Variants in PRKDC observed in about 807,000 individuals in gnomAD.
PRKDC encodes the protein DNA-dependent protein kinase catalytic subunit.
Under a neutral mutation model 486.9 loss-of-function variants are expected in PRKDC, and 82 were observed. That is an observed-to-expected ratio of 0.17 (90% CI 0.14 to 0.20). PRKDC has a LOEUF of 0.20. PRKDC is among the 10% of genes least tolerant of loss of function. The probability of loss-of-function intolerance (pLI) is 1.00; values close to 1 mark genes in which losing one functional copy is unlikely to be tolerated. For synonymous variants in PRKDC, 1,895 were observed against 1,837.0 expected (o/e 1.03, Z -0.81); for missense variants, 4,504 against 5,038.2 (o/e 0.89, Z 3.21).
In PRKDC at chr8:47,907,300, A is replaced by G. The variant is rs1007784802; in HGVS notation, c.2935-2324T>C. On this transcript the variant is annotated intron_variant, in intron 25 of 85. Transcript: ENST00000314191. ...TGTGATCCACCCACCTCGGCCTCCC[A>G]AAGTGCTGGGATTACAGGCGTGAGC... Among the ~76,000 whole-genome samples, 3 of 151,226 alleles carry G rather than the reference A, an allele frequency of 2.0e-5. No homozygotes were observed. The South Asian group carries it at 6.2e-4, about 31-fold the overall frequency.
Position 47,857,807 on chromosome 8 carries a change from T to C in PRKDC, c.6466-508A>G, listed in dbSNP as rs573551431. On this transcript the variant is annotated intron_variant, in intron 48 of 85. Coordinates refer to ENST00000314191, the MANE Select transcript of PRKDC (RefSeq NM_006904.7). ...GATGTCCTGACAGACTCGCCATGTC[T>C]GCAGAGCTGCCCAGAATGACCTTCT... 5.3e-5 allele frequency among the ~76,000 whole-genome samples: 8 copies of C among 152,260 alleles called. No homozygotes were observed. The East Asian group carries it at 1.4e-3, about 26-fold the overall frequency.
chr8:47,788,802 A>T, intron 76 of PRKDC, 104 bp downstream of exon 76: 1 of 1,149,252 alleles, frequency 8.7e-7, no homozygotes, highest in African/African-American at 1.6e-5. Context: ...AGAACTGTTA[A>T]ATTAATGATT....
At chr8:47,779,116 T>C (rs777121083) in intron 80 of PRKDC, 23 bp from the exon 81 acceptor site, 167 of 1,516,528 alleles carry the variant, frequency 1.1e-4, no homozygotes, top group Non-Finnish European at 1.3e-4. Flanking sequence ...AAAAGGGGAA[T>C]TGGAATTAGG....
In PRKDC at chr8:47,888,507, G is replaced by A; in HGVS notation, c.4413+11C>T. On this transcript the variant is annotated intron_variant, in intron 34 of 85. Coordinates refer to ENST00000314191, the MANE Select transcript of PRKDC (RefSeq NM_006904.7). ...GCTAAAATAAATGTAAAAACAATAAGTTATAGTTACCTGAGACGGTAATAT... is the reference window on the plus strand; with the variant it reads ...GCTAAAATAAATGTAAAAACAATAAATTATAGTTACCTGAGACGGTAATAT... 6.6e-7 allele frequency: 1 copy of A among 1,514,060 alleles called. No homozygotes were observed. Among genetic ancestry groups the A allele is most frequent in the Non-Finnish European group, 8.9e-7 (1 of 1,127,314 alleles). 93.8% of individuals were successfully genotyped at this position (1,514,060 alleles called of 1,614,324 possible).
At chr8:47,783,924 A>T in intron 77 of PRKDC, 115 bp from the exon 78 acceptor site, 1 of 1,069,376 alleles carries the variant, frequency 9.4e-7, no homozygotes, top group Non-Finnish European at 1.4e-6. Context: ...AAAACCTTTT[A>T]CTGAAAAGTT....
At chr8:47,933,870 AG>A (rs2090300636) in intron 15 of PRKDC, 94 bp downstream of exon 15, 2 of 1,304,324 alleles carry the variant, frequency 1.5e-6, no homozygotes, top group African/African-American at 3.0e-5. Flanking sequence ...TTTGAAAGTT[AG>A]TAAAATATAA....
In PRKDC at chr8:47,859,681, G is replaced by A; in HGVS notation, c.6137C>T (p.Ser2046Leu). 6.2e-7 allele frequency: 1 copy of A among 1,613,962 alleles called. No homozygotes were observed. Among genetic ancestry groups the A allele is most frequent in the Non-Finnish European group, 8.5e-7 (1 of 1,179,854 alleles). The change falls in exon 46 of 86, where the codon TCA (serine) becomes TTA (leucine). Residue 2046 changes from serine (S) to leucine (L), a missense_variant. Physicochemically the swap from Ser to Leu is moderately radical, Grantham distance 145. Transcript: ENST00000314191. ...LSEEMSQFDFSTGVQSYSYSS... is the reference protein window; with the variant it reads ...LSEEMSQFDFLTGVQSYSYSS... The stretch of plus-strand genomic sequence containing the variant: ...GTATGAATAGCTCTGAACTCCGGTT[G>A]AGAAATCAAATTGACTCATTTCCTC...
chr8:47,929,035 A>C, intron 19 of PRKDC, 57 bp downstream of exon 19: 5 of 1,229,458 alleles, frequency 4.1e-6, no homozygotes, highest in Non-Finnish European at 5.8e-6. Context: ...TTTTTTCAAT[A>C]GATATTCATT....
intron 68 of PRKDC, among the ~76,000 whole-genome samples, chr8:47,810,430 A>G (rs529397447): frequency 6.6e-6 from 1 of 152,366 alleles, no homozygotes; most frequent in South Asian, 2.1e-4. Flanking sequence ...GTATAGGTAA[A>G]AACAGTATAC....
chr8:47,832,129 C>T (rs1352595277), intron 59 of PRKDC, among the ~76,000 whole-genome samples: 2 of 152,224 alleles, frequency 1.3e-5, no homozygotes, highest in African/African-American at 4.8e-5. Context: ...ACGGGCCAGG[C>T]CCCTCCAGAG....
At position 47,957,404 on chromosome 8, in the gene PRKDC, C is replaced by T; in HGVS notation, c.182G>A (p.Arg61Lys). Residue 61 changes from arginine (R) to lysine (K), a missense_variant, in exon 2 of 86, where the codon AGA becomes AAA. This residue lies in a region of PRKDC where 145 missense variants were observed against 136.3 expected (regional missense o/e 1.06). Coordinates refer to ENST00000314191, the MANE Select transcript of PRKDC (RefSeq NM_006904.7). ...LALQTSLVFS[R>K]DFGLLVFVRK... ...GACAAATACAAGCAAACCGAAATCT[C>T]TGGAAAAAACTAAAGATGTCTGTAA... is the stretch of plus-strand genomic sequence containing the variant. The T allele has an allele frequency of 6.3e-7, 1 of 1,590,016 alleles. No individual in the cohort carries two copies. The highest frequency in any genetic ancestry group is 1.1e-5 in the South Asian group (1 of 87,510).
intron 69 of PRKDC, among the ~76,000 whole-genome samples, chr8:47,805,963 C>T (rs1467679326): frequency 6.6e-6 from 1 of 152,178 alleles, no homozygotes; most frequent in East Asian, 1.9e-4. Flanking sequence ...CAGCTTACAA[C>T]TAGCCAGCAT....
intron 40 of PRKDC, among the ~76,000 whole-genome samples, chr8:47,868,720 G>A (rs2154500934): frequency 6.6e-6 from 1 of 152,266 alleles, no homozygotes; most frequent in African/African-American, 2.4e-5. Flanking sequence ...AAAATCAGGT[G>A]AGTGATCATT....
intron 52 of PRKDC, among the ~76,000 whole-genome samples, 168 bp from the exon 53 acceptor site, chr8:47,849,671 A>G (rs1311761879): frequency 6.6e-6 from 1 of 152,184 alleles, no homozygotes; most frequent in African/African-American, 2.4e-5. Flanking sequence ...GCTGGTCTAC[A>G]CTGACCATCG....
At chr8:47,942,186 A>G (rs1217022982) in intron 10 of PRKDC, among the ~76,000 whole-genome samples, 3 of 152,254 alleles carry the variant, frequency 2.0e-5, no homozygotes, top group Non-Finnish European at 4.4e-5. Flanking sequence ...ACATATTCAT[A>G]TGAATCAGTA....
At chr8:47,956,531 CAA>C (rs1183428036) in intron 3 of PRKDC, among the ~76,000 whole-genome samples, 9 of 94,332 alleles carry the variant, frequency 9.5e-5, no homozygotes, top group East Asian at 2.8e-4. Flanking sequence ...CCTGTCTCTA[CAA>C]AAAAAAAAAA....
At chr8:47,829,141 T>C (rs978854078) in intron 61 of PRKDC, among the ~76,000 whole-genome samples, 2 of 152,270 alleles carry the variant, frequency 1.3e-5, no homozygotes, top group African/African-American at 2.4e-5. Context: ...TTCTATCATA[T>C]TATAATTGAC....
At chr8:47,947,136 C>G (rs2090546726) in intron 7 of PRKDC, among the ~76,000 whole-genome samples, 1 of 152,180 alleles carries the variant, frequency 6.6e-6, no homozygotes, top group Non-Finnish European at 1.5e-5. Context: ...AGGCTAAGCA[C>G]AGGGCTAGAG....
In PRKDC at chr8:47,777,001, G is replaced by T. The variant is rs374405676; in HGVS notation, c.12043-18C>A. ...TCAAAATTCTAGAAGAAAAGAACAT[G>T]ATTTTCCCGGCTGATCATAATGGTA... On this transcript the variant is annotated intron_variant, in intron 84 of 85. Transcript: ENST00000314191. 2 of 1,605,358 alleles carry T rather than the reference G, an allele frequency of 1.2e-6. No homozygotes were observed.
Sources: allele counts gnomAD v4.1 joint callset (sites outside exome capture counted in the v4.1 genomes callset), GRCh38; gene constraint gnomAD v4.1.1; regional missense constraint gnomAD v4.1.1; transcripts MANE v1.5; gene names NCBI Gene and HGNC (gene_info 2026-07-23, HGNC 2026-07-21).